The following JARID2 variants were observed in gnomAD, a reference collection of about 807,000 sequenced individuals.
JARID2 encodes the protein jumonji and AT-rich interaction domain containing 2, also known as protein Jumonji.
JARID2 carries 21 observed loss-of-function variants against 125.6 expected under a neutral mutation model. The observed-to-expected ratio is 0.17, with a 90% CI of 0.12 to 0.24. JARID2 has a LOEUF of 0.24. Among genes scored for constraint, JARID2 ranks in the 10% least tolerant of loss-of-function variants. The pLI, the probability that JARID2 is intolerant of heterozygous loss-of-function variation, is 1.00. For missense variants in JARID2, 1,303 were observed against 1,639.6 expected (o/e 0.79, Z 3.55); for synonymous variants, 736 against 661.6 (o/e 1.11, Z -1.73).
chr6:15,415,720 G>A (rs1397868222), intron 3 of JARID2, among the ~76,000 whole-genome samples: 6 of 143,540 alleles, frequency 4.2e-5, no homozygotes, highest in African/African-American at 1.3e-4. Context: ...CTTCCCGGAC[G>A]GGGCGGCTGG....
Position 15,513,055 on chromosome 6 carries a change from C to T in JARID2, c.3266+10C>T, listed in dbSNP as rs1771352480. 1.2e-6 allele frequency: 2 copies of T among 1,613,900 alleles called. No individual in the cohort carries two copies. The highest frequency in any genetic ancestry group is 1.7e-5 in the Admixed American group (1 of 59,976). On this transcript the variant is annotated intron_variant, in intron 15 of 17. Transcript: ENST00000341776. Reference sequence around the variant, plus strand: ...TCCTGGATGAGCTCAGGTAACAGACCCCCAGAGCCCACGCCAGAGAGCTGG... The same window carrying T: ...TCCTGGATGAGCTCAGGTAACAGACTCCCAGAGCCCACGCCAGAGAGCTGG...
intron 2 of JARID2, among the ~76,000 whole-genome samples, chr6:15,400,454 G>T (rs1178800783): frequency 1.3e-5 from 2 of 151,148 alleles, no homozygotes; most frequent in African/African-American, 4.9e-5. Flanking sequence ...TTGAAACTGC[G>T]CCCTGGAGTC....
At chr6:15,401,883 T>C (rs1765449305) in intron 2 of JARID2, among the ~76,000 whole-genome samples, 1 of 147,456 alleles carries the variant, frequency 6.8e-6, no homozygotes, top group South Asian at 2.2e-4. Flanking sequence ...TTTCTGAAGT[T>C]ATTTGTTGTC....
chr6:15,313,622 G>A (rs757516696), intron 1 of JARID2, among the ~76,000 whole-genome samples: 1 of 152,134 alleles, frequency 6.6e-6, no homozygotes, highest in Non-Finnish European at 1.5e-5. Context: ...GCAGTGTGCC[G>A]TACAGATTCA....
intron 1 of JARID2, among the ~76,000 whole-genome samples, chr6:15,352,322 C>G (rs1258180662): frequency 2.0e-5 from 3 of 152,138 alleles, no homozygotes; most frequent in African/African-American, 7.2e-5. Flanking sequence ...CCTCTCCACC[C>G]CGTTCTTAAT....
intron 3 of JARID2, among the ~76,000 whole-genome samples, chr6:15,413,002 GTTTTT>G (rs796574565): frequency 3.5e-3 from 164 of 46,492 alleles, no homozygotes; most frequent in African/African-American, 0.013. Context: ...AAGAGCTTGT[GTTTTT>G]GTTTTTTTTT....
intron 1 of JARID2, among the ~76,000 whole-genome samples, chr6:15,293,370 G>C (rs920807661): frequency 6.6e-6 from 1 of 152,170 alleles, no homozygotes; most frequent in Non-Finnish European, 1.5e-5. Flanking sequence ...AGCTGAGATG[G>C]TGCCACTGCC....
intron 1 of JARID2, among the ~76,000 whole-genome samples, chr6:15,366,758 GT>G (rs976625941): frequency 2.6e-5 from 4 of 151,854 alleles, no homozygotes; most frequent in Non-Finnish European, 5.9e-5. Context: ...AAGCAGGATT[GT>G]TTTTTTGCAG....
intron 1 of JARID2, among the ~76,000 whole-genome samples, chr6:15,319,866 G>A (rs979584554): frequency 6.6e-6 from 1 of 152,172 alleles, no homozygotes; most frequent in Non-Finnish European, 1.5e-5. Context: ...CAAATTTGAT[G>A]CAGTCATCAA....
chr6:15,503,120 G>C (rs1050547014), intron 8 of JARID2, among the ~76,000 whole-genome samples: 1 of 152,086 alleles, frequency 6.6e-6, no homozygotes, highest in Admixed American at 6.5e-5. Flanking sequence ...GTGGAGCTCT[G>C]CGTGGTGGCC....
chr6:15,363,684 A>G (rs1763876263), intron 1 of JARID2, among the ~76,000 whole-genome samples: 1 of 152,224 alleles, frequency 6.6e-6, no homozygotes, highest in Admixed American at 6.5e-5. Flanking sequence ...TTGTGTGATA[A>G]GTATGCTAGT....
rs551927646 is a variant in JARID2, at chr6:15,346,561, G to A, written c.46-27556G>A. 3.9e-5 allele frequency among the ~76,000 whole-genome samples: 6 copies of A among 152,030 alleles called. No individual in the cohort carries two copies. In the East Asian group the frequency reaches 9.7e-4, roughly 24 times the overall value. ...TCTTTCTTCCTTTCTGCCTTTACGC[G>A]TTTGGTTGATGCATCTGTGTACCTA... On this transcript the variant is annotated intron_variant, in intron 1 of 17. Transcript: ENST00000341776.
In JARID2 at chr6:15,473,234, A is replaced by G. The variant is rs376612548; in HGVS notation, c.670+4516A>G. ...TTACCTTTTCTCTCCTAAATCAAAT[A>G]AGATTAACTTCTGTATAAATGAGAA... On this transcript the variant is annotated intron_variant, in intron 5 of 17. Transcript: ENST00000341776. Among the ~76,000 whole-genome samples, 5 of 152,324 alleles carry G rather than the reference A, an allele frequency of 3.3e-5. No individual in the cohort carries two copies. In the South Asian group the frequency reaches 1.0e-3, roughly 32 times the overall value.
At chr6:15,345,388 A>G (rs1043921555) in intron 1 of JARID2, among the ~76,000 whole-genome samples, 1 of 152,332 alleles carries the variant, frequency 6.6e-6, no homozygotes, top group African/African-American at 2.4e-5. Context: ...GTTGCACCTC[A>G]GCTAGAGAAC....
rs755332982 is a variant in JARID2 at position 15,507,375 on chromosome 6, A to G, written c.2690A>G (p.Asn897Ser). Residue 897 changes from asparagine (N) to serine (S), a missense_variant, in exon 11 of 18, where the codon AAT (asparagine) becomes AGT (serine). This residue lies in a region of JARID2 where 27 missense variants were observed against 108.7 expected (regional missense o/e 0.25). Transcript: ENST00000341776. Reference sequence around the variant, plus strand: ...GGATGGAACCTCACCGTCCTCCCCAATAACACAGGGTCCATCCTGCGTCAC... The same window carrying G: ...GGATGGAACCTCACCGTCCTCCCCAGTAACACAGGGTCCATCCTGCGTCAC... ...RHGWNLTVLP[N>S]NTGSILRHLG... 2.1e-5 allele frequency: 34 copies of G among 1,614,108 alleles called. No homozygotes were observed. The highest frequency in any genetic ancestry group is 2.8e-5 in the Non-Finnish European group (33 of 1,180,000).
At chr6:15,361,892 CTTTTT>C (rs58352410) in intron 1 of JARID2, among the ~76,000 whole-genome samples, 3 of 121,168 alleles carry the variant, frequency 2.5e-5, no homozygotes, top group Non-Finnish European at 5.1e-5. Context: ...TGGGAGCCCC[CTTTTT>C]TTTTTTTTTT....
At chr6:15,336,246 G>GGAAA (rs1762875364) in intron 1 of JARID2, among the ~76,000 whole-genome samples, 1 of 152,334 alleles carries the variant, frequency 6.6e-6, no homozygotes, top group South Asian at 2.1e-4. Context: ...AGGGAGGGAA[G>GGAAA]GAAAAGTATA....
chr6:15,272,161 A>G (rs142944341), intron 1 of JARID2, among the ~76,000 whole-genome samples: 158 of 152,352 alleles, frequency 1.0e-3, no homozygotes, highest in African/African-American at 3.6e-3. Flanking sequence ...CAAAAAAACA[A>G]AAACAGTGAT....
intron 2 of JARID2, among the ~76,000 whole-genome samples, chr6:15,385,512 G>GT (rs1434852228): frequency 1.3e-5 from 2 of 150,396 alleles, no homozygotes; most frequent in African/African-American, 2.4e-5. Context: ...TTAAGATATA[G>GT]TTTTTTATAG....
Sources: gnomAD v4.1 joint callset for allele counts (sites outside exome capture counted in the v4.1 genomes callset) on GRCh38, gnomAD v4.1.1 for gene constraint, gnomAD v4.1.1 regional missense constraint, MANE v1.5 for transcripts, NCBI Gene and HGNC (gene_info 2026-07-23, HGNC 2026-07-21) for gene names.